SEZ6: variants seen among roughly 807,000 people sequenced by gnomAD.
SEZ6 encodes the protein seizure related 6 homolog, also known as seizure protein 6 homolog.
SEZ6 carries 53 observed loss-of-function variants against 101.0 expected under a neutral mutation model. The observed-to-expected ratio is 0.52, with a 90% CI of 0.42 to 0.66. The LOEUF (loss-of-function observed/expected upper bound fraction) is 0.66, where lower values mean the gene tolerates loss of function less well. SEZ6 is among the 30% of genes least tolerant of loss of function. SEZ6 has a pLI of 0.00. For missense variants in SEZ6, 1,102 were observed against 1,289.4 expected, an observed-to-expected ratio of 0.85 and a Z score of 2.23; for synonymous variants, 488 against 512.2, an observed-to-expected ratio of 0.95 and a Z score of 0.64.
chr17:28,960,140 G>A, intron 7 of SEZ6: 1 of 587,646 alleles, frequency 1.7e-6, no homozygotes, highest in East Asian at 2.8e-5. Context: ...GTACACAGAA[G>A]GTACTCCATA....
intron 1 of SEZ6, among the ~76,000 whole-genome samples, chr17:28,986,190 C>T (rs1201470174): frequency 6.6e-6 from 1 of 152,254 alleles, no homozygotes; most frequent in Non-Finnish European, 1.5e-5. Flanking sequence ...AGGCTTTCAT[C>T]GGCACTAATG....
At position 28,959,547 on chromosome 17, in the gene SEZ6, G is replaced by T; in HGVS notation, c.1772-75C>A. On this transcript the variant is annotated intron_variant, in intron 8 of 16. Transcript: ENST00000317338. This position sits in a 1 kb window ranked among gnomAD's most constrained non-coding sequence, Gnocchi z 4.4. ...TTGCTTACCATCTGCCCGCAGGAGT[G>T]CCCACAAATTGCTGGGACCCCCCAC... 1 of 1,571,312 alleles carries T rather than the reference G, an allele frequency of 6.4e-7. No individual in the cohort carries two copies. The highest frequency in any genetic ancestry group is 8.6e-7 in the Non-Finnish European group (1 of 1,159,632).
At chr17:28,983,749 A>T (rs1040180421) in intron 1 of SEZ6, among the ~76,000 whole-genome samples, 4 of 152,120 alleles carry the variant, frequency 2.6e-5, no homozygotes, top group Non-Finnish European at 1.5e-5. Context: ...AAATGGCTGC[A>T]TGAGGACTTG....
intron 1 of SEZ6, among the ~76,000 whole-genome samples, chr17:28,986,813 A>T (rs2041391305): frequency 6.6e-6 from 1 of 152,214 alleles, no homozygotes; most frequent in Non-Finnish European, 1.5e-5. Flanking sequence ...TGTGGAGTGA[A>T]GACATACTGG....
intron 5 of SEZ6, among the ~76,000 whole-genome samples, chr17:28,963,290 C>T (rs1210744057): frequency 1.3e-5 from 2 of 152,212 alleles, no homozygotes; most frequent in African/African-American, 4.8e-5. Flanking sequence ...CCATCAGTTT[C>T]TGGAACTTCC....
chr17:28,959,918 C>T lies in SEZ6; in HGVS notation c.1577-26G>A. The T allele has an allele frequency of 6.3e-7, 1 of 1,582,738 alleles. No individual in the cohort carries two copies. Among genetic ancestry groups the T allele is most frequent in the Non-Finnish European group, 8.6e-7 (1 of 1,164,574 alleles). On this transcript the variant is annotated intron_variant, in intron 7 of 16. Coordinates refer to ENST00000317338, the MANE Select transcript of SEZ6 (RefSeq NM_178860.5). The surrounding 1 kb of genome is among the most constrained non-coding windows in gnomAD (Gnocchi z 4.4). ...CTGTAAACCACAGGTCCCAGCCCAGCTCAGCCTTGACTGGTATTAAACACA... is the reference window on the plus strand; with the variant it reads ...CTGTAAACCACAGGTCCCAGCCCAGTTCAGCCTTGACTGGTATTAAACACA...
intron 1 of SEZ6, among the ~76,000 whole-genome samples, chr17:29,001,350 G>A (rs1000217907): frequency 6.6e-6 from 1 of 152,166 alleles, no homozygotes; most frequent in Non-Finnish European, 1.5e-5. Flanking sequence ...TTTGCTGCTG[G>A]AGCATCAAGC....
rs1183513105 is a variant in SEZ6, at chr17:29,005,796, G to A, written c.55+19C>T. On this transcript the variant is annotated intron_variant, in intron 1 of 16. Transcript: ENST00000317338. The surrounding 1 kb of genome is among the most constrained non-coding windows in gnomAD (Gnocchi z 4.8). ...CCGCTCCCGCCCCCGTCCTGCCGCCGGATGCCGGGGTCCCTTACCGTGAGC... is the reference window on the plus strand; with the variant it reads ...CCGCTCCCGCCCCCGTCCTGCCGCCAGATGCCGGGGTCCCTTACCGTGAGC... 1.3e-6 allele frequency: 2 copies of A among 1,481,506 alleles called. No homozygotes were observed. The highest frequency in any genetic ancestry group is 1.5e-5 in the African/African-American group (1 of 68,678). 91.8% of individuals were successfully genotyped at this position (1,481,506 alleles called of 1,614,324 possible).
In SEZ6 at chr17:28,955,787, C is replaced by T. The variant is rs2040869094; in HGVS notation, c.*175G>A. The T allele has an allele frequency of 1.8e-5, 14 of 774,826 alleles. No individual in the cohort carries two copies. The highest frequency in any genetic ancestry group is 2.9e-5 in the Non-Finnish European group (13 of 446,588). The allele number at this position is 774,826 out of a possible 1,614,324, so 48.0% of individuals were successfully genotyped here. On this transcript the variant is annotated 3_prime_UTR_variant, in exon 17 of 17. Coordinates refer to ENST00000317338, the MANE Select transcript of SEZ6 (RefSeq NM_178860.5). Reference sequence around the variant, plus strand: ...GGGCAATGACACCAAGAAAATAGGCCATGGTGGGCATCGCAGGCGGGGAAG... The same window carrying T: ...GGGCAATGACACCAAGAAAATAGGCTATGGTGGGCATCGCAGGCGGGGAAG...
Position 28,960,501 on chromosome 17 carries a change from T to A in SEZ6, c.1576+4A>T. ...CACCCCCAGTGAGGCCCCAGCAGGC[T>A]CACCCTCATAGCGCAGGGCCATGCC... On this transcript the variant is annotated splice_donor_region_variant and intron_variant, in intron 7 of 16. Coordinates refer to ENST00000317338, the MANE Select transcript of SEZ6 (RefSeq NM_178860.5). 1 of 1,587,082 alleles carries A rather than the reference T, an allele frequency of 6.3e-7. No homozygotes were observed. The highest frequency in any genetic ancestry group is 8.6e-7 in the Non-Finnish European group (1 of 1,167,436).
intron 1 of SEZ6, among the ~76,000 whole-genome samples, chr17:28,986,427 G>A (rs1327740857): frequency 6.6e-6 from 1 of 152,240 alleles, no homozygotes; most frequent in African/African-American, 2.4e-5. Context: ...CGGGATGGGG[G>A]GCGGGGCCCA....
intron 4 of SEZ6, among the ~76,000 whole-genome samples, chr17:28,966,408 G>A (rs553440839): frequency 3.6e-4 from 54 of 152,072 alleles, no homozygotes; most frequent in South Asian, 2.7e-3. Flanking sequence ...GCTTGAACTC[G>A]GGAGGCAGAG....
chr17:28,966,358 C>G (rs2041067650), intron 4 of SEZ6, among the ~76,000 whole-genome samples: 2 of 151,326 alleles, frequency 1.3e-5, no homozygotes, highest in South Asian at 4.2e-4. Flanking sequence ...TGGCACGCGC[C>G]TGTAGTCCCA....
intron 3 of SEZ6, among the ~76,000 whole-genome samples, chr17:28,977,259 A>G (rs1362663275): frequency 1.3e-5 from 2 of 152,134 alleles, no homozygotes; most frequent in African/African-American, 2.4e-5. Context: ...AGAGCCTTAA[A>G]TCCTGCTTAG....
chr17:28,963,771 T>C (rs28507890), intron 5 of SEZ6, among the ~76,000 whole-genome samples, 191 bp downstream of exon 5: 2,530 of 152,344 alleles, frequency 0.017, 65 homozygotes, highest in African/African-American at 0.057. Flanking sequence ...ATTCAGCTGT[T>C]TGTACCTGTG....
At chr17:28,988,903 G>A (rs2041420154) in intron 1 of SEZ6, among the ~76,000 whole-genome samples, 1 of 152,240 alleles carries the variant, frequency 6.6e-6, no homozygotes, top group South Asian at 2.1e-4. Flanking sequence ...GGGACATCTA[G>A]CCCAACTACT....
intron 1 of SEZ6, among the ~76,000 whole-genome samples, chr17:28,986,385 C>T (rs1443914856): frequency 6.6e-6 from 1 of 152,202 alleles, no homozygotes; most frequent in Non-Finnish European, 1.5e-5. Context: ...GGAGCGGAGG[C>T]CACCTGCGCC....
In SEZ6 at chr17:28,955,873, G is replaced by A. The variant is rs184509480; in HGVS notation, c.*89C>T. ...CTAGGTGGTATATACAGGAGGTGGA[G>A]GGACAGCAGGAAGCAAGGAGCCTTG... On this transcript the variant is annotated 3_prime_UTR_variant, in exon 17 of 17. Transcript: ENST00000317338. The A allele has an allele frequency of 1.4e-6, 2 of 1,438,424 alleles. No individual in the cohort carries two copies. Among genetic ancestry groups the A allele is most frequent in the East Asian group, 4.9e-5 (2 of 40,950 alleles). The allele number at this position is 1,438,424 out of a possible 1,614,324, so 89.1% of individuals were successfully genotyped here.
chr17:28,991,924 G>A (rs566186690), intron 1 of SEZ6, among the ~76,000 whole-genome samples: 25 of 152,318 alleles, frequency 1.6e-4, no homozygotes, highest in African/African-American at 5.8e-4. Context: ...GTGGAGGACA[G>A]CCAGGAACAC....
Sources: gnomAD v4.1 joint callset for allele counts (sites outside exome capture counted in the v4.1 genomes callset) on GRCh38, gnomAD v4.1.1 for gene constraint, Gnocchi (gnomAD v3.1) non-coding constraint, MANE v1.5 for transcripts, NCBI Gene and HGNC (gene_info 2026-07-23, HGNC 2026-07-21) for gene names.